TTC28: variants seen among roughly 807,000 people sequenced by gnomAD.
TTC28 encodes the protein tetratricopeptide repeat domain 28, also known as tetratricopeptide repeat protein 28.
In TTC28, 61 loss-of-function variants were observed where a neutral mutation model predicts 198.0. The observed-to-expected ratio is 0.31, with a 90% CI of 0.25 to 0.38. The LOEUF is 0.38. Among genes scored for constraint, TTC28 ranks in the 10% least tolerant of loss-of-function variants. The pLI is 1.00. For synonymous variants in TTC28, 1,171 were observed against 1,297.8 expected (o/e 0.90, Z 2.10); for missense variants, 2,678 against 3,164.0 (o/e 0.85, Z 3.69).
chr22:28,516,814 CAG>C (rs2048797984), intron 2 of TTC28, among the ~76,000 whole-genome samples: 1 of 151,830 alleles, frequency 6.6e-6, no homozygotes, highest in African/African-American at 2.4e-5. Flanking sequence ...TGTGAAGTAA[CAG>C]ATATGTTAAT....
intron 6 of TTC28, among the ~76,000 whole-genome samples, chr22:28,130,187 T>C (rs979412164): frequency 8.6e-5 from 13 of 151,714 alleles, no homozygotes; most frequent in East Asian, 3.9e-4. Flanking sequence ...TTCCTTTCTC[T>C]TTTTTTTGCC....
chr22:28,429,240 A>G (rs576015350), intron 2 of TTC28, among the ~76,000 whole-genome samples: 3 of 152,300 alleles, frequency 2.0e-5, no homozygotes, highest in Admixed American at 2.0e-4. Context: ...CAGCTTTTGT[A>G]TCTCACTACC....
At chr22:27,988,668 T>C (rs1477969527) in intron 21 of TTC28, among the ~76,000 whole-genome samples, 1 of 152,146 alleles carries the variant, frequency 6.6e-6, no homozygotes, top group African/African-American at 2.4e-5. Context: ...GACAGTGCCA[T>C]CTTCTCAAGG....
chr22:28,249,762 A>G (rs887906085), intron 5 of TTC28, among the ~76,000 whole-genome samples: 2 of 152,356 alleles, frequency 1.3e-5, no homozygotes, highest in African/African-American at 4.8e-5. Flanking sequence ...CATATTGTCC[A>G]GCAAAATGAG....
At chr22:28,108,476 C>A in intron 6 of TTC28, 73 bp from the exon 7 acceptor site, 1 of 1,287,632 alleles carries the variant, frequency 7.8e-7, no homozygotes. Flanking sequence ...ATGTAATTTG[C>A]ATCTCAATTT....
chr22:28,161,275 T>C (rs978707180), intron 6 of TTC28, among the ~76,000 whole-genome samples: 3 of 152,220 alleles, frequency 2.0e-5, no homozygotes, highest in African/African-American at 7.2e-5. Flanking sequence ...CTCATGCCTG[T>C]CATCCCAACA....
At chr22:28,482,182 G>GCT (rs1324516678) in intron 2 of TTC28, among the ~76,000 whole-genome samples, 1 of 143,604 alleles carries the variant, frequency 7.0e-6, no homozygotes, top group Non-Finnish European at 1.5e-5. Context: ...ATTTTGCTTA[G>GCT]CTAGTAGAGA....
At chr22:28,602,046 G>T (rs889726520) in intron 2 of TTC28, among the ~76,000 whole-genome samples, 8 of 152,192 alleles carry the variant, frequency 5.3e-5, no homozygotes, top group Non-Finnish European at 8.8e-5. Flanking sequence ...CTAGGATCAA[G>T]AGAGTCAGGC....
intron 2 of TTC28, among the ~76,000 whole-genome samples, chr22:28,413,274 A>AAAT (rs547559323): frequency 1.1e-3 from 172 of 152,092 alleles, no homozygotes; most frequent in African/African-American, 4.0e-3. Context: ...TCTCTACTAA[A>AAAT]AATACAAAAA....
chr22:28,296,754 T>G (rs777171085), intron 4 of TTC28, among the ~76,000 whole-genome samples: 5 of 152,156 alleles, frequency 3.3e-5, no homozygotes, highest in Non-Finnish European at 7.4e-5. Context: ...CCTTATCCCT[T>G]CTCTTACTCC....
chr22:28,319,135 T>G (rs1569257734), intron 2 of TTC28, among the ~76,000 whole-genome samples: 1 of 152,148 alleles, frequency 6.6e-6, no homozygotes, highest in Non-Finnish European at 1.5e-5. Flanking sequence ...GCTTCTAAAT[T>G]TATTCTGTAG....
intron 2 of TTC28, among the ~76,000 whole-genome samples, chr22:28,598,008 A>C (rs2050570467): frequency 6.6e-6 from 1 of 151,984 alleles, no homozygotes; most frequent in Non-Finnish European, 1.5e-5. Context: ...AATTACAGGC[A>C]TGAGCCACTG....
At chr22:28,609,687 G>T (rs2050787506) in intron 2 of TTC28, among the ~76,000 whole-genome samples, 2 of 147,290 alleles carry the variant, frequency 1.4e-5, no homozygotes, top group Non-Finnish European at 1.5e-5. Context: ...GAGTTTGTTT[G>T]TTTTTTTTTT....
intron 2 of TTC28, among the ~76,000 whole-genome samples, chr22:28,610,703 A>C (rs995750039): frequency 6.6e-6 from 1 of 152,188 alleles, no homozygotes; most frequent in Non-Finnish European, 1.5e-5. Flanking sequence ...AAGGGAACAA[A>C]ACTGGACAGA....
chr22:28,092,956 T>C (rs1162717290), intron 12 of TTC28, among the ~76,000 whole-genome samples: 1 of 152,170 alleles, frequency 6.6e-6, no homozygotes, highest in Non-Finnish European at 1.5e-5. Context: ...TCTCAAAATA[T>C]GATATTAATT....
chr22:28,304,782 T>G (rs2045103139), intron 3 of TTC28, among the ~76,000 whole-genome samples: 1 of 152,186 alleles, frequency 6.6e-6, no homozygotes, highest in South Asian at 2.1e-4. Context: ...AAAGAGGTAG[T>G]ATCTTCATGA....
chr22:28,322,539 T>C (rs1415050783), intron 2 of TTC28, among the ~76,000 whole-genome samples: 2 of 152,174 alleles, frequency 1.3e-5, no homozygotes, highest in South Asian at 2.1e-4. Flanking sequence ...TGACTTATAA[T>C]ATGTGAGCTG....
chr22:28,365,633 T>C (rs1161785007), intron 2 of TTC28, among the ~76,000 whole-genome samples: 1 of 152,212 alleles, frequency 6.6e-6, no homozygotes, highest in Admixed American at 6.5e-5. Flanking sequence ...AGAACAGAAA[T>C]CTTGTTCTCT....
chr22:28,431,757 C>T (rs557019206), intron 2 of TTC28, among the ~76,000 whole-genome samples: 1 of 152,270 alleles, frequency 6.6e-6, no homozygotes, highest in Admixed American at 6.5e-5. Flanking sequence ...GCAGGCATAT[C>T]ACTTGAGGCC....
Sources: gnomAD v4.1 joint callset for allele counts (sites outside exome capture counted in the v4.1 genomes callset) on GRCh38, gnomAD v4.1.1 for gene constraint, MANE v1.5 for transcripts, NCBI Gene and HGNC (gene_info 2026-07-23, HGNC 2026-07-21) for gene names.